Variants in MARCHF7 observed in about 807,000 individuals in gnomAD.
MARCHF7 encodes membrane associated ring-CH-type finger 7.
Under a neutral mutation model 76.5 loss-of-function variants are expected in MARCHF7, and 20 were observed. The ratio of observed to expected loss-of-function variants is 0.26; its 90% CI spans 0.18 to 0.38. The LOEUF is 0.38. MARCHF7 is among the 10% of genes least tolerant of loss of function. The pLI, the probability that MARCHF7 is intolerant of heterozygous loss-of-function variation, is 1.00. For missense variants in MARCHF7, 797 were observed against 812.9 expected (o/e 0.98, Z 0.24); for synonymous variants, 295 against 293.0 (o/e 1.01, Z -0.07).
intron 4 of MARCHF7, among the ~76,000 whole-genome samples, chr2:159,741,945 T>A (rs961402987): frequency 6.6e-5 from 10 of 152,192 alleles, no homozygotes; most frequent in Admixed American, 6.5e-4. Flanking sequence ...TACTTTGCCA[T>A]GATGGAAACA....
chr2:159,764,568 C>T lies in MARCHF7; in HGVS notation c.2008-58C>T, dbSNP rs1351481823. 5 of 1,347,290 alleles carry T rather than the reference C, an allele frequency of 3.7e-6. No homozygotes were observed. The Admixed American group carries it at 1.0e-4, about 28-fold the overall frequency. The allele number at this position is 1,347,290 out of a possible 1,614,324, so 83.5% of individuals were successfully genotyped here. A position where few individuals can be genotyped will look rare whatever the true frequency, so the allele number is the denominator to read the frequency against. ...GAAATGAATCTCCTATACTGATTCT[C>T]TCTTTAGATCCATTTGCAACATTTA... On this transcript the variant is annotated intron_variant, in intron 10 of 11. Coordinates refer to ENST00000409175, the MANE Select transcript of MARCHF7 (RefSeq NM_001282805.2).
At chr2:159,714,362 T>A (rs1234456489) in intron 1 of MARCHF7, among the ~76,000 whole-genome samples, 195 bp from the exon 2 acceptor site, 1 of 152,196 alleles carries the variant, frequency 6.6e-6, no homozygotes, top group African/African-American at 2.4e-5. Flanking sequence ...CACTGTTTAG[T>A]CATCAGACTA....
chr2:159,716,399 C>T (rs536551055), intron 3 of MARCHF7, among the ~76,000 whole-genome samples: 34 of 152,134 alleles, frequency 2.2e-4, no homozygotes, highest in Non-Finnish European at 4.0e-4. Context: ...GTAATCCCAG[C>T]GCTTTGGGAG....
intron 9 of MARCHF7, among the ~76,000 whole-genome samples, chr2:159,761,764 T>C (rs1707140088): frequency 6.6e-6 from 1 of 152,184 alleles, no homozygotes; most frequent in African/African-American, 2.4e-5. Context: ...TTGCTGAAGT[T>C]GGTACTAAGA....
intron 3 of MARCHF7, among the ~76,000 whole-genome samples, chr2:159,724,885 A>G (rs1701995934): frequency 6.6e-6 from 1 of 152,042 alleles, no homozygotes; most frequent in Admixed American, 6.6e-5. Context: ...CCTGTGTCCA[A>G]GTGTTCTCAC....
intron 7 of MARCHF7, among the ~76,000 whole-genome samples, chr2:159,751,282 C>G (rs1329501012): frequency 6.6e-6 from 1 of 152,156 alleles, no homozygotes; most frequent in African/African-American, 2.4e-5. Flanking sequence ...AATTAAAAAG[C>G]AGCATTTGGT....
In MARCHF7 at chr2:159,743,219, G is replaced by A. The variant is rs377291268; in HGVS notation, c.312G>A (p.Gly104=). 6.2e-7 allele frequency: 1 copy of A among 1,613,946 alleles called. No homozygotes were observed. The highest frequency in any genetic ancestry group is 8.5e-7 in the Non-Finnish European group (1 of 1,179,938). ...LSCTNCTTSA[G]RNVGNGLNTL... is the part of the protein sequence containing the mutation. ...GTACAAACTGTACTACCTCAGCTGG[G>A]AGAAATGTTGGAAATGGTTTAAACA... The change falls in exon 5 of 12, where the codon GGG becomes GGA. Residue 104 remains glycine, a synonymous_variant. Coordinates refer to ENST00000409175, the MANE Select transcript of MARCHF7 (RefSeq NM_001282805.2).
In MARCHF7 at chr2:159,729,017, T is replaced by A. The variant is rs752236205; in HGVS notation, c.-6T>A. On this transcript the variant is annotated 5_prime_UTR_variant, in exon 4 of 12. Transcript: ENST00000409175. ...AAATTTTTATTTCACAGAAAAATCTTTAAGAATGGAGTCTAAACCTTCAAG... is the reference window on the plus strand; with the variant it reads ...AAATTTTTATTTCACAGAAAAATCTATAAGAATGGAGTCTAAACCTTCAAG... 32 of 1,547,638 alleles carry A rather than the reference T, an allele frequency of 2.1e-5. No homozygotes were observed. Among genetic ancestry groups the A allele is most frequent in the Non-Finnish European group, 2.6e-5 (30 of 1,152,986 alleles).
At chr2:159,752,209 GT>G (rs1327893809) in intron 7 of MARCHF7, among the ~76,000 whole-genome samples, 192 bp from the exon 8 acceptor site, 1 of 152,118 alleles carries the variant, frequency 6.6e-6, no homozygotes, top group African/African-American at 2.4e-5. Context: ...CAATGAGAGA[GT>G]TTTTCATTTT....
intron 8 of MARCHF7, among the ~76,000 whole-genome samples, chr2:159,758,711 C>CT (rs1706634278): frequency 6.6e-6 from 1 of 152,186 alleles, no homozygotes; most frequent in South Asian, 2.1e-4. Flanking sequence ...TTTATTTGGA[C>CT]AAGGGTGGGG....
At chr2:159,764,515 C>T (rs1168729954) in intron 10 of MARCHF7, 111 bp from the exon 11 acceptor site, 5 of 720,832 alleles carry the variant, frequency 6.9e-6, no homozygotes, top group Admixed American at 6.4e-5. Flanking sequence ...TATTTAAAGG[C>T]TTAAACTGAT....
rs898443002 is a variant in MARCHF7, at chr2:159,770,106, T to G, written c.*2764T>G. 5 of 144,106 alleles carry G rather than the reference T, an allele frequency of 3.5e-5. No homozygotes were observed. Among genetic ancestry groups the G allele is most frequent in the Non-Finnish European group, 7.5e-5 (5 of 66,604 alleles). The allele number at this position is 144,106 out of a possible 1,614,324, so 8.9% of individuals were successfully genotyped here. A position where few individuals can be genotyped will look rare whatever the true frequency, so the allele number is the denominator to read the frequency against. ...TTTAAGAACTCCTTTAGAACTCTTT[T>G]AGTTCACATAATACGCCATATTTTT... On this transcript the variant is annotated 3_prime_UTR_variant, in exon 12 of 12. Transcript: ENST00000409175.
At chr2:159,764,260 G>T (rs536589971) in intron 10 of MARCHF7, among the ~76,000 whole-genome samples, 1 of 147,512 alleles carries the variant, frequency 6.8e-6, no homozygotes, top group African/African-American at 2.5e-5. Context: ...GTGTGTGCGC[G>T]CGCCCACTGA....
At chr2:159,718,962 T>C (rs1701326342) in intron 3 of MARCHF7, among the ~76,000 whole-genome samples, 1 of 152,168 alleles carries the variant, frequency 6.6e-6, no homozygotes, top group Non-Finnish European at 1.5e-5. Flanking sequence ...TCCAGCGTTC[T>C]CCTGGACCTT....
At chr2:159,745,245 A>T (rs1186392839) in intron 5 of MARCHF7, among the ~76,000 whole-genome samples, 1 of 152,212 alleles carries the variant, frequency 6.6e-6, no homozygotes, top group East Asian at 1.9e-4. Context: ...TTAGGCAGAG[A>T]AGAATATGTT....
chr2:159,738,621 G>A (rs548912751), intron 4 of MARCHF7, among the ~76,000 whole-genome samples: 26 of 152,250 alleles, frequency 1.7e-4, no homozygotes, highest in African/African-American at 5.5e-4. Context: ...GACAGGAGTG[G>A]GTAGCTCCTG....
intron 8 of MARCHF7, among the ~76,000 whole-genome samples, chr2:159,756,636 G>A (rs1205957944): frequency 5.8e-5 from 8 of 138,734 alleles, no homozygotes; most frequent in South Asian, 2.4e-4. Context: ...GCAGTGAGCC[G>A]AGATCACCCC....
intron 7 of MARCHF7, 66 bp downstream of exon 7, chr2:159,748,969 TTTTC>T: frequency 5.6e-6 from 7 of 1,239,754 alleles, no homozygotes; most frequent in Admixed American, 3.4e-5. Flanking sequence ...CATTTCTTTT[TTTTC>T]TTTTCTTTTT....
chr2:159,717,195 ATT>A (rs10545429), intron 3 of MARCHF7, among the ~76,000 whole-genome samples: 41,387 of 152,018 alleles, frequency 0.27, 6,585 homozygotes, highest in South Asian at 0.44. Context: ...GTCACAGTCC[ATT>A]CTCTTAGTCA....
Sources: allele counts gnomAD v4.1 joint callset (sites outside exome capture counted in the v4.1 genomes callset), GRCh38; gene constraint gnomAD v4.1.1; transcripts MANE v1.5; gene names NCBI Gene and HGNC (gene_info 2026-07-23, HGNC 2026-07-21).